Variants in KIAA1328 observed in about 807,000 individuals in gnomAD.
The protein encoded by KIAA1328 is KIAA1328.
A neutral mutation model predicts 68.1 loss-of-function variants in KIAA1328; 52 were observed. That is an observed-to-expected ratio of 0.76 (90% CI 0.61 to 0.96). The LOEUF is 0.96. Ranked by LOEUF, KIAA1328 falls within the 40% of genes least tolerant of loss-of-function variation. The probability of loss-of-function intolerance (pLI) is 0.00; values close to 1 mark genes in which losing one functional copy is unlikely to be tolerated. For synonymous variants in KIAA1328, 232 were observed against 239.4 expected (o/e 0.97, Z 0.28); for missense variants, 641 against 677.6 (o/e 0.95, Z 0.60).
intron 7 of KIAA1328, among the ~76,000 whole-genome samples, chr18:37,141,210 A>T (rs957212733): frequency 3.3e-5 from 5 of 152,188 alleles, no homozygotes; most frequent in Non-Finnish European, 5.9e-5. Flanking sequence ...GAAAGTATTC[A>T]TCACCCCACA....
At chr18:36,833,361 A>C (rs1600904253) in intron 1 of KIAA1328, 1 of 152,200 alleles carries the variant, frequency 6.6e-6, no homozygotes, top group South Asian at 2.1e-4. Flanking sequence ...TCCTGGGTAG[A>C]AGAAATCATA....
chr18:37,010,077 G>C (rs2053919869), intron 6 of KIAA1328, among the ~76,000 whole-genome samples: 1 of 152,134 alleles, frequency 6.6e-6, no homozygotes, highest in South Asian at 2.1e-4. Context: ...TTGCTGAGTA[G>C]AAGAGCATAA....
chr18:36,992,451 C>CTTTTTTTTTTTTTTTTTTTTTT (rs71168252), intron 6 of KIAA1328, among the ~76,000 whole-genome samples: 2 of 130,110 alleles, frequency 1.5e-5, no homozygotes, highest in African/African-American at 6.9e-5. Context: ...TCTTTTCTTT[C>CTTTTTTTTTTTTTTTTTTTTTT]TTTTTTTTTT....
chr18:36,960,776 A>G (rs1372326674), intron 6 of KIAA1328, among the ~76,000 whole-genome samples: 2 of 152,208 alleles, frequency 1.3e-5, no homozygotes, highest in Admixed American at 6.5e-5. Context: ...CAACATCAAC[A>G]AAAAGGACAT....
At chr18:37,087,500 C>T (rs1340691352) in intron 7 of KIAA1328, among the ~76,000 whole-genome samples, 1 of 152,284 alleles carries the variant, frequency 6.6e-6, no homozygotes, top group East Asian at 1.9e-4. Context: ...TTTATCTCTT[C>T]CTGCTGAATT....
intron 6 of KIAA1328, among the ~76,000 whole-genome samples, chr18:37,042,226 C>T (rs2055282708): frequency 6.6e-6 from 1 of 152,200 alleles, no homozygotes; most frequent in Non-Finnish European, 1.5e-5. Context: ...CCCAACAATA[C>T]TGTTTTATAC....
At chr18:36,923,335 C>A (rs2049997309) in intron 5 of KIAA1328, among the ~76,000 whole-genome samples, 1 of 152,020 alleles carries the variant, frequency 6.6e-6, no homozygotes, top group Admixed American at 6.6e-5. Context: ...AAACAAACAA[C>A]AGAAAAGCAA....
intron 5 of KIAA1328, among the ~76,000 whole-genome samples, chr18:36,893,151 T>G (rs1469718670): frequency 6.6e-5 from 10 of 152,176 alleles, no homozygotes; most frequent in Admixed American, 4.6e-4. Context: ...ATGAGTTATA[T>G]TTACACTTTA....
intron 7 of KIAA1328, among the ~76,000 whole-genome samples, chr18:37,127,477 G>A (rs570283667): frequency 6.6e-6 from 1 of 152,282 alleles, no homozygotes; most frequent in East Asian, 1.9e-4. Flanking sequence ...GGGAGATGGA[G>A]GCAGGAAGAT....
chr18:36,853,101 G>A (rs2047267772), intron 4 of KIAA1328, among the ~76,000 whole-genome samples: 1 of 152,098 alleles, frequency 6.6e-6, no homozygotes, highest in South Asian at 2.1e-4. Flanking sequence ...AAACTAAACT[G>A]TTTTTTGGTT....
intron 7 of KIAA1328, among the ~76,000 whole-genome samples, chr18:37,091,756 G>A (rs1173127131): frequency 6.6e-6 from 1 of 152,106 alleles, no homozygotes; most frequent in East Asian, 1.9e-4. Context: ...ATGCTGGCTG[G>A]ACCCAGTAGT....
At chr18:37,044,192 T>C (rs752248706) in intron 6 of KIAA1328, among the ~76,000 whole-genome samples, 21 of 152,134 alleles carry the variant, frequency 1.4e-4, no homozygotes, top group Non-Finnish European at 2.5e-4. Flanking sequence ...ATGTAATTGT[T>C]TTATTATAAT....
intron 7 of KIAA1328, among the ~76,000 whole-genome samples, chr18:37,070,407 G>A (rs922960353): frequency 6.6e-6 from 1 of 152,060 alleles, no homozygotes; most frequent in Non-Finnish European, 1.5e-5. Context: ...GAGGCGTTTT[G>A]AAATCTCCAA....
At chr18:36,954,358 A>G (rs1205534937) in intron 5 of KIAA1328, 1 of 152,196 alleles carries the variant, frequency 6.6e-6, no homozygotes, top group Non-Finnish European at 1.5e-5. Flanking sequence ...GATTAGGTTC[A>G]GATTAAAACA....
intron 7 of KIAA1328, among the ~76,000 whole-genome samples, chr18:37,146,769 T>C (rs1205598024): frequency 6.6e-6 from 1 of 152,222 alleles, no homozygotes; most frequent in East Asian, 1.9e-4. Context: ...CTGTGCAACT[T>C]TACGTAGAAT....
chr18:37,044,142 G>T (rs1041587526), intron 6 of KIAA1328, among the ~76,000 whole-genome samples: 2 of 152,170 alleles, frequency 1.3e-5, no homozygotes, highest in Admixed American at 6.5e-5. Flanking sequence ...ACTTTTTGAG[G>T]TTGGGGTTGA....
At chr18:37,129,189 A>G (rs553435143) in intron 7 of KIAA1328, among the ~76,000 whole-genome samples, 5 of 152,300 alleles carry the variant, frequency 3.3e-5, no homozygotes, top group South Asian at 4.1e-4. Flanking sequence ...AAAAAACCCT[A>G]AAGATGAATC....
At chr18:37,072,071 G>GA (rs1188391561) in intron 7 of KIAA1328, among the ~76,000 whole-genome samples, 3 of 151,982 alleles carry the variant, frequency 2.0e-5, no homozygotes, top group Non-Finnish European at 4.4e-5. Context: ...GTGAAGAGAG[G>GA]AAAAATCTAT....
chr18:37,223,874 A>C lies in KIAA1328; in HGVS notation c.*1647A>C. On this transcript the variant is annotated 3_prime_UTR_variant, in exon 10 of 10. Transcript: ENST00000280020. Reference sequence around the variant, plus strand: ...AAAGAATGGAGCCCACTAATATTATATTTTTCTTCTGAAATAAATATAAAG... The same window carrying C: ...AAAGAATGGAGCCCACTAATATTATCTTTTTCTTCTGAAATAAATATAAAG... 2.0e-6 allele frequency: 2 copies of C among 982,836 alleles called. No individual in the cohort carries two copies. The highest frequency in any genetic ancestry group is 2.4e-6 in the Non-Finnish European group (2 of 827,678). The allele number at this position is 982,836 out of a possible 1,614,324, so 60.9% of individuals were successfully genotyped here.
Sources: gnomAD v4.1 joint callset for allele counts (sites outside exome capture counted in the v4.1 genomes callset) on GRCh38, gnomAD v4.1.1 for gene constraint, MANE v1.5 for transcripts, NCBI Gene and HGNC (gene_info 2026-07-23, HGNC 2026-07-21) for gene names.